Variants in RIMS2 observed in about 807,000 individuals in gnomAD.
RIMS2 encodes regulating synaptic membrane exocytosis 2.
A neutral mutation model predicts 174.4 loss-of-function variants in RIMS2; 59 were observed. The observed-to-expected ratio is 0.34, with a 90% CI of 0.27 to 0.42. The LOEUF (loss-of-function observed/expected upper bound fraction) is 0.42, where lower values mean the gene tolerates loss of function less well. RIMS2 is among the 10% of genes least tolerant of loss of function. The pLI, the probability that RIMS2 is intolerant of heterozygous loss-of-function variation, is 1.00. For missense variants in RIMS2, 1,620 were observed against 1,666.3 expected (o/e 0.97, Z 0.48); for synonymous variants, 606 against 572.5 (o/e 1.06, Z -0.84).
intron 2 of RIMS2, among the ~76,000 whole-genome samples, chr8:103,705,885 T>A (rs1362827869): frequency 1.3e-5 from 2 of 151,874 alleles, no homozygotes; most frequent in African/African-American, 4.8e-5. Context: ...AGTGGGGGAT[T>A]TAGGCAATTT....
chr8:104,061,735 C>A (rs772494280), intron 19 of RIMS2, among the ~76,000 whole-genome samples: 20 of 151,648 alleles, frequency 1.3e-4, no homozygotes, highest in Non-Finnish European at 2.9e-4. Flanking sequence ...TATATGAACA[C>A]ATATGTACAA....
chr8:103,749,055 T>TC (rs2097854133), intron 2 of RIMS2, among the ~76,000 whole-genome samples: 1 of 151,912 alleles, frequency 6.6e-6, no homozygotes, highest in Admixed American at 6.6e-5. Context: ...CACCTCGGCC[T>TC]CCCAAAGTGC....
chr8:103,754,080 C>T (rs2097938544), intron 2 of RIMS2, among the ~76,000 whole-genome samples: 1 of 152,130 alleles, frequency 6.6e-6, no homozygotes, highest in Admixed American at 6.5e-5. Context: ...CTATAAATTT[C>T]CCTCTACACA....
chr8:104,101,025 A>G (rs1400357873), intron 19 of RIMS2, among the ~76,000 whole-genome samples: 1 of 142,492 alleles, frequency 7.0e-6, no homozygotes, highest in Non-Finnish European at 1.5e-5. Flanking sequence ...CATATGTAAT[A>G]TATGTTATAT....
intron 1 of RIMS2, among the ~76,000 whole-genome samples, chr8:103,634,816 C>T (rs950033416): frequency 1.3e-5 from 2 of 152,020 alleles, no homozygotes; most frequent in African/African-American, 2.4e-5. Flanking sequence ...GAAATCTGTT[C>T]TGTCTGAAAT....
intron 19 of RIMS2, among the ~76,000 whole-genome samples, chr8:104,225,314 C>G (rs547323237): frequency 6.6e-6 from 1 of 152,250 alleles, no homozygotes; most frequent in Non-Finnish European, 1.5e-5. Flanking sequence ...AGGCATTCAG[C>G]AACACAACCT....
intron 2 of RIMS2, among the ~76,000 whole-genome samples, chr8:103,755,716 G>A (rs2097987438): frequency 6.6e-6 from 1 of 151,850 alleles, no homozygotes; most frequent in Admixed American, 6.6e-5. Flanking sequence ...TTGATCAATT[G>A]AGGTAATCAT....
At chr8:103,608,799 C>A (rs1389248477) in intron 1 of RIMS2, among the ~76,000 whole-genome samples, 1 of 152,228 alleles carries the variant, frequency 6.6e-6, no homozygotes, top group Non-Finnish European at 1.5e-5. Context: ...AAAGGGAACT[C>A]CCTGATCCGT....
chr8:103,966,987 G>A (rs1054014645), intron 15 of RIMS2, among the ~76,000 whole-genome samples: 3 of 151,712 alleles, frequency 2.0e-5, no homozygotes, highest in African/African-American at 4.9e-5. Context: ...ATTTGCTAAG[G>A]TGTGTTTTAT....
intron 19 of RIMS2, among the ~76,000 whole-genome samples, chr8:104,180,967 A>G (rs2098936242): frequency 1.3e-5 from 2 of 151,746 alleles, no homozygotes; most frequent in Non-Finnish European, 3.0e-5. Flanking sequence ...TTTTACTTAA[A>G]GCAGAGTTTC....
chr8:104,166,063 T>C (rs1315772110), intron 19 of RIMS2, among the ~76,000 whole-genome samples: 1 of 71,350 alleles, frequency 1.4e-5, no homozygotes, highest in East Asian at 8.7e-4. Context: ...GGATTTCTTT[T>C]TTTTTTTTTT....
chr8:104,202,395 A>G (rs2099059532), intron 19 of RIMS2, among the ~76,000 whole-genome samples: 1 of 152,252 alleles, frequency 6.6e-6, no homozygotes, highest in South Asian at 2.1e-4. Context: ...TAAATTCCTT[A>G]AAGTTTTTAA....
At chr8:103,622,808 C>G (rs1357945088) in intron 1 of RIMS2, among the ~76,000 whole-genome samples, 4 of 152,200 alleles carry the variant, frequency 2.6e-5, no homozygotes, top group Non-Finnish European at 4.4e-5. Context: ...GATCTAGTCA[C>G]TCGGGCATTT....
intron 4 of RIMS2, among the ~76,000 whole-genome samples, chr8:103,891,051 T>C (rs764969507): frequency 1.6e-4 from 24 of 152,050 alleles, no homozygotes; most frequent in Admixed American, 6.6e-4. Context: ...AAAATATCTC[T>C]TGTGGGGCAA....
intron 14 of RIMS2, among the ~76,000 whole-genome samples, chr8:103,948,310 C>T (rs1045171356): frequency 3.3e-5 from 5 of 152,106 alleles, no homozygotes; most frequent in African/African-American, 7.2e-5. Context: ...ATAAATTTAC[C>T]GTATGACCAC....
At chr8:103,664,254 G>A (rs1170562588) in intron 1 of RIMS2, among the ~76,000 whole-genome samples, 1 of 152,152 alleles carries the variant, frequency 6.6e-6, no homozygotes, top group Non-Finnish European at 1.5e-5. Flanking sequence ...GAAAGCAATG[G>A]CAACAAAAGC....
At chr8:103,566,120 A>C (rs370398477) in intron 1 of RIMS2, among the ~76,000 whole-genome samples, 1 of 152,126 alleles carries the variant, frequency 6.6e-6, no homozygotes, top group Non-Finnish European at 1.5e-5. Flanking sequence ...TATAATAATG[A>C]GTTTATAATT....
intron 1 of RIMS2, among the ~76,000 whole-genome samples, chr8:103,591,459 C>T (rs1482237548): frequency 2.0e-5 from 3 of 150,922 alleles, no homozygotes; most frequent in Non-Finnish European, 4.5e-5. Context: ...ATTATTGTCT[C>T]TGTGTTTTTT....
intron 1 of RIMS2, among the ~76,000 whole-genome samples, chr8:103,661,787 GAGCCACTGCATCT>G (rs1407867517): frequency 6.6e-6 from 1 of 152,190 alleles, no homozygotes; most frequent in African/African-American, 2.4e-5. Flanking sequence ...TTACAGGCGT[GAGCCACTGCATCT>G]AGCCTAGATG....
Sources: allele counts gnomAD v4.1 joint callset (sites outside exome capture counted in the v4.1 genomes callset), GRCh38; gene constraint gnomAD v4.1.1; transcripts MANE v1.5; gene names NCBI Gene and HGNC (gene_info 2026-07-23, HGNC 2026-07-21).